Variants in TENM1 observed in about 807,000 individuals in gnomAD.
TENM1 encodes the protein teneurin transmembrane protein 1.
TENM1 carries 35 observed loss-of-function variants against 174.8 expected under a neutral mutation model. The ratio of observed to expected loss-of-function variants is 0.20; its 90% confidence interval spans 0.15 to 0.27. The LOEUF is 0.27. TENM1 is among the 10% of genes least tolerant of loss of function. The pLI is 1.00. For synonymous variants in TENM1, 781 were observed against 798.7 expected (o/e 0.98, Z 0.37); for missense variants, 1,633 against 2,130.1 (o/e 0.77, Z 4.59).
chrX:125,196,005 AGAAGGAACGAAG>A, the TENM1 span, among the ~76,000 whole-genome samples: 71 of 96,407 alleles, frequency 7.4e-4, no homozygotes, highest in South Asian at 1.9e-3. Flanking sequence ...AAGGAAGAAA[AGAAGGAACGAAG>A]GAAGGAAGGA....
At chrX:125,005,942 G>C in the TENM1 span, among the ~76,000 whole-genome samples, 1 of 111,561 alleles carries the variant, frequency 9.0e-6, no homozygotes, top group Non-Finnish European at 1.9e-5. Flanking sequence ...AAACTGGGTG[G>C]CTTTTCAGGC....
At chrX:124,584,339 G>A (rs1215825306) in intron 11 of TENM1, among the ~76,000 whole-genome samples, 230 of 110,360 alleles carry the variant, frequency 2.1e-3, no homozygotes, top group African/African-American at 7.1e-3. Context: ...CGGATCTCTC[G>A]GCAGAAACTC....
At chrX:125,053,856 A>G in the TENM1 span, among the ~76,000 whole-genome samples, 1 of 111,419 alleles carries the variant, frequency 9.0e-6, no homozygotes, top group South Asian at 3.8e-4. Flanking sequence ...AAATTGATCA[A>G]GTTCTTGAAG....
chrX:125,128,240 A>G, the TENM1 span, among the ~76,000 whole-genome samples: 1 of 111,529 alleles, frequency 9.0e-6, no homozygotes, highest in Admixed American at 9.6e-5. Context: ...ATGAAATAAT[A>G]CTCTTACCCC....
chrX:124,796,848 T>A (rs1208740118), intron 3 of TENM1, among the ~76,000 whole-genome samples: 1 of 111,651 alleles, frequency 9.0e-6, no homozygotes, highest in Non-Finnish European at 1.9e-5. Flanking sequence ...TTTTCCTAGA[T>A]TGTGAATGAT....
intron 11 of TENM1, among the ~76,000 whole-genome samples, chrX:124,586,467 G>T (rs939448867): frequency 9.0e-6 from 1 of 110,654 alleles, no homozygotes; most frequent in African/African-American, 3.3e-5. Context: ...TGCAGAAAAG[G>T]CCTTTGACAA....
the TENM1 span, among the ~76,000 whole-genome samples, chrX:125,150,889 G>A: frequency 8.9e-6 from 1 of 112,323 alleles, no homozygotes; most frequent in East Asian, 2.8e-4. Flanking sequence ...CAGTGAGATC[G>A]TGATTCAATG....
the TENM1 span, among the ~76,000 whole-genome samples, chrX:125,009,097 G>GTTT: frequency 2.4e-3 from 176 of 74,085 alleles, 2 homozygotes; most frequent in African/African-American, 8.7e-3. Flanking sequence ...TCCAGGAGCT[G>GTTT]TTTTTTTTTT....
chrX:124,660,086 T>C (rs2051554701), intron 6 of TENM1, among the ~76,000 whole-genome samples: 1 of 111,500 alleles, frequency 9.0e-6, no homozygotes, highest in Non-Finnish European at 1.9e-5. Flanking sequence ...TTCTTAGACA[T>C]GACATCAAAG....
At chrX:124,382,205 T>C (rs1232479096) in intron 31 of TENM1, among the ~76,000 whole-genome samples, 1 of 111,970 alleles carries the variant, frequency 8.9e-6, no homozygotes, top group Non-Finnish European at 1.9e-5. Context: ...TGTACCCTTG[T>C]AATATTTATT....
chrX:125,170,324 G>T, the TENM1 span, among the ~76,000 whole-genome samples: 2 of 111,331 alleles, frequency 1.8e-5, no homozygotes, highest in African/African-American at 6.5e-5. Flanking sequence ...ACTGATACTC[G>T]AAAAGTGCAC....
intron 5 of TENM1, among the ~76,000 whole-genome samples, chrX:124,699,322 C>T (rs2052722736): frequency 9.1e-6 from 1 of 110,347 alleles, no homozygotes; most frequent in Non-Finnish European, 1.9e-5. Context: ...CTGTCCAGTC[C>T]CCCTTTATTA....
chrX:124,990,026 G>A, the TENM1 span, among the ~76,000 whole-genome samples: 5 of 111,468 alleles, frequency 4.5e-5, no homozygotes, highest in African/African-American at 9.8e-5. Flanking sequence ...GACTATGTGC[G>A]TATGTCTCAG....
chrX:124,926,519 C>T (rs1373819446), intron 1 of TENM1, among the ~76,000 whole-genome samples: 1 of 111,438 alleles, frequency 9.0e-6, no homozygotes, highest in African/African-American at 3.3e-5. Flanking sequence ...TGCTCCACTT[C>T]CTACTAGAAT....
chrX:124,939,411 T>G (rs1430185456), intron 1 of TENM1, among the ~76,000 whole-genome samples: 1 of 111,636 alleles, frequency 9.0e-6, no homozygotes, highest in African/African-American at 3.3e-5. Context: ...ACTTGACCTA[T>G]CTTATCAGTC....
the TENM1 span, among the ~76,000 whole-genome samples, chrX:125,129,992 A>T: frequency 2.7e-5 from 3 of 111,506 alleles, no homozygotes; most frequent in Non-Finnish European, 5.7e-5. Context: ...TCCTAAAATC[A>T]TTAGACAAAT....
At chrX:124,566,016 A>T (rs189581016) in intron 11 of TENM1, among the ~76,000 whole-genome samples, 119 of 111,769 alleles carry the variant, frequency 1.1e-3, no homozygotes, top group African/African-American at 3.5e-3. Flanking sequence ...TGACAAACAA[A>T]TGCCAAGTGG....
the TENM1 span, among the ~76,000 whole-genome samples, chrX:125,106,928 T>A: frequency 8.9e-6 from 1 of 111,868 alleles, no homozygotes; most frequent in Non-Finnish European, 1.9e-5. Flanking sequence ...TTAGTTAAAA[T>A]TCTGCTGACA....
At chrX:124,590,436 C>T (rs2148251489) in intron 11 of TENM1, among the ~76,000 whole-genome samples, 1 of 109,847 alleles carries the variant, frequency 9.1e-6, no homozygotes, top group African/African-American at 3.3e-5. Flanking sequence ...ATGTGAAGGA[C>T]CTCTTCAAGG....
Sources: gnomAD v4.1 joint callset for allele counts (sites outside exome capture counted in the v4.1 genomes callset) on GRCh38, gnomAD v4.1.1 for gene constraint, MANE v1.5 for transcripts, NCBI Gene and HGNC (gene_info 2026-07-23, HGNC 2026-07-21) for gene names.